The following GRIK2 variants were observed in gnomAD, a reference collection of about 807,000 sequenced individuals.
GRIK2 encodes the protein glutamate ionotropic receptor kainate type subunit 2.
GRIK2 carries 32 observed loss-of-function variants against 100.3 expected under a neutral mutation model. The ratio of observed to expected loss-of-function variants is 0.32; its 90% CI spans 0.24 to 0.43. The LOEUF (loss-of-function observed/expected upper bound fraction) is 0.43. Among genes scored for constraint, GRIK2 ranks in the 20% least tolerant of loss-of-function variants. GRIK2 has a pLI of 1.00. For missense variants in GRIK2, 843 were observed against 1,114.9 expected (o/e 0.76, Z 3.47); for synonymous variants, 417 against 389.4 (o/e 1.07, Z -0.83).
At position 101,573,739 on chromosome 6, in the gene GRIK2, A is replaced by C. The variant is rs572429462; in HGVS notation, c.116-48210A>C. ...CAGACCACTTGAATTCTTTCATTGG[A>C]CACCACAGGGGCTCATGTAACCTGT... On this transcript the variant is annotated intron_variant, in intron 2 of 16. Transcript: ENST00000369134. Among the ~76,000 whole-genome samples the C allele has an allele frequency of 2.2e-3, 336 of 152,136 alleles. 1 individual carries two copies. The highest frequency in any genetic ancestry group is 3.8e-3 in the Non-Finnish European group (261 of 67,990).
chr6:101,398,956 C>T (rs2128235180), intron 1 of GRIK2, 29 bp from the exon 2 acceptor site: 2 of 433,604 alleles, frequency 4.6e-6, no homozygotes, highest in Non-Finnish European at 8.1e-6. Context: ...GGGTTTCCTA[C>T]TGATTTCCCT....
rs774868812 is a variant in GRIK2, at chr6:101,909,378, T to TTTTTG, written c.1749-15220_1749-15219insTGTTT. Reference sequence around the variant, plus strand: ...ATGCTGAAGGAAGATAGGGTTTTCTTTTTCTTTTTTTTTTTTTTAAAGATC... The same window carrying TTTTTG: ...ATGCTGAAGGAAGATAGGGTTTTCTTTTTTGTTTCTTTTTTTTTTTTTTAAAGATC... On this transcript the variant is annotated intron_variant, in intron 12 of 16. Transcript: ENST00000369134. 1.7e-5 allele frequency among the ~76,000 whole-genome samples: 2 copies of TTTTTG among 120,350 alleles called. 1 individual carries two copies. Among genetic ancestry groups the TTTTTG allele is most frequent in the East Asian group, 4.8e-4 (2 of 4,156 alleles). 79.0% of individuals were successfully genotyped at this position (120,350 alleles called of 152,430 possible).
At chr6:101,417,777 G>T (rs559560037) in intron 2 of GRIK2, among the ~76,000 whole-genome samples, 1 of 152,294 alleles carries the variant, frequency 6.6e-6, no homozygotes, top group East Asian at 1.9e-4. Context: ...GGAAAATGTG[G>T]TCAGAAAGAT....
chr6:101,494,028 ATATAATT>A (rs1562177964), intron 2 of GRIK2, among the ~76,000 whole-genome samples: 1 of 87,400 alleles, frequency 1.1e-5, no homozygotes, highest in Non-Finnish European at 2.1e-5. Flanking sequence ...AAAATTATAT[ATATAATT>A]TATTATATAA....
chr6:101,725,329 T>C (rs1774785129), intron 7 of GRIK2, among the ~76,000 whole-genome samples: 1 of 152,064 alleles, frequency 6.6e-6, no homozygotes, highest in East Asian at 1.9e-4. Flanking sequence ...TTCTGTGGGA[T>C]TCCAAAAATG....
chr6:101,812,188 A>T (rs954705047), intron 9 of GRIK2, among the ~76,000 whole-genome samples: 1 of 151,788 alleles, frequency 6.6e-6, no homozygotes, highest in Non-Finnish European at 1.5e-5. Context: ...ATGTAATTAT[A>T]AAAGAATAGA....
chr6:101,754,233 G>A (rs1287417691), intron 7 of GRIK2, among the ~76,000 whole-genome samples: 1 of 152,084 alleles, frequency 6.6e-6, no homozygotes, highest in Non-Finnish European at 1.5e-5. Context: ...GATGTAATTA[G>A]CTTTTACAAA....
chr6:101,779,262 C>A (rs1286706359), intron 7 of GRIK2, among the ~76,000 whole-genome samples: 1 of 151,976 alleles, frequency 6.6e-6, no homozygotes, highest in African/African-American at 2.4e-5. Flanking sequence ...ATGGCTCAGC[C>A]ATAGAAATTA....
intron 4 of GRIK2, among the ~76,000 whole-genome samples, chr6:101,645,827 A>G (rs1282609783): frequency 3.3e-5 from 5 of 151,952 alleles, no homozygotes; most frequent in African/African-American, 1.2e-4. Context: ...TTTAAGATGC[A>G]TCAGTGCACA....
intron 12 of GRIK2, among the ~76,000 whole-genome samples, chr6:101,900,623 C>CTA (rs139046207): frequency 0.095 from 14,479 of 152,010 alleles, 847 homozygotes; most frequent in Middle Eastern, 0.2. Context: ...AATAGAGTGT[C>CTA]TATTTTCAAA....
chr6:101,605,511 A>T (rs9404124), intron 2 of GRIK2, among the ~76,000 whole-genome samples: 13,123 of 151,816 alleles, frequency 0.086, 700 homozygotes, highest in Admixed American at 0.15. Context: ...CCATATTAAC[A>T]CAGGTATTTA....
In GRIK2 at chr6:102,068,434, A is replaced by C; in HGVS notation, c.2650A>C (p.Ile884Leu). The stretch of plus-strand genomic sequence containing the variant: ...AAAACATAAGCCACAGGCCCCAGTT[A>C]TTGTGAAAACAGAAGAAGTTATCAA... ...RLKHKPQAPV[I>L]VKTEEVINMH... is the part of the protein sequence containing the mutation. The change falls in exon 17 of 17, where the codon ATT becomes CTT. Residue 884 changes from isoleucine to leucine, a missense_variant. Coordinates refer to ENST00000369134, the MANE Select transcript of GRIK2 (RefSeq NM_021956.5). 1 of 1,612,292 alleles carries C rather than the reference A, an allele frequency of 6.2e-7. No individual in the cohort carries two copies. The highest frequency in any genetic ancestry group is 1.3e-5 in the African/African-American group (1 of 74,934).
At chr6:101,592,107 C>T (rs1019698718) in intron 2 of GRIK2, among the ~76,000 whole-genome samples, 7 of 151,982 alleles carry the variant, frequency 4.6e-5, no homozygotes, top group Admixed American at 6.6e-5. Flanking sequence ...TGCAAGCTTC[C>T]TAATGCCCTC....
intron 2 of GRIK2, among the ~76,000 whole-genome samples, chr6:101,503,610 C>T (rs561096124): frequency 6.6e-6 from 1 of 152,070 alleles, no homozygotes; most frequent in Non-Finnish European, 1.5e-5. Flanking sequence ...GGATGTTTTG[C>T]TGAGATTTAT....
intron 2 of GRIK2, among the ~76,000 whole-genome samples, chr6:101,544,442 A>C (rs1776143777): frequency 6.6e-6 from 1 of 152,192 alleles, no homozygotes; most frequent in Non-Finnish European, 1.5e-5. Context: ...CGGGGGAATG[A>C]AAACCAGGTT....
chr6:101,711,149 CT>C (rs1554251745), intron 7 of GRIK2, among the ~76,000 whole-genome samples: 1 of 151,764 alleles, frequency 6.6e-6, no homozygotes, highest in Non-Finnish European at 1.5e-5. Context: ...TTAACATTTA[CT>C]GTTTTTTACA....
At chr6:101,527,122 G>A (rs1775194990) in intron 2 of GRIK2, among the ~76,000 whole-genome samples, 1 of 152,184 alleles carries the variant, frequency 6.6e-6, no homozygotes, top group Non-Finnish European at 1.5e-5. Flanking sequence ...AGGTTGCAGG[G>A]AGATCTGAGT....
intron 14 of GRIK2, among the ~76,000 whole-genome samples, chr6:101,936,085 T>G (rs1398153574): frequency 6.6e-6 from 1 of 152,038 alleles, no homozygotes; most frequent in Non-Finnish European, 1.5e-5. Context: ...TCTTTGTGCT[T>G]TAATGAGTTA....
At chr6:101,792,940 C>G (rs566791126) in intron 7 of GRIK2, among the ~76,000 whole-genome samples, 53 of 152,084 alleles carry the variant, frequency 3.5e-4, no homozygotes, top group Non-Finnish European at 6.5e-4. Flanking sequence ...CTTCCCTTCT[C>G]GCTTCATTTC....
Sources: allele counts gnomAD v4.1 joint callset (sites outside exome capture counted in the v4.1 genomes callset), GRCh38; gene constraint gnomAD v4.1.1; transcripts MANE v1.5; gene names NCBI Gene and HGNC (gene_info 2026-07-23, HGNC 2026-07-21).